TRA2B: variants seen among roughly 807,000 people sequenced by gnomAD.
TRA2B encodes the protein transformer-2 protein homolog beta.
In TRA2B, 14 loss-of-function variants were observed where a neutral mutation model predicts 41.7. That is an observed-to-expected ratio of 0.34 (90% CI 0.22 to 0.53). The LOEUF is 0.53. TRA2B is among the 20% of genes least tolerant of loss of function. The pLI, the probability that TRA2B is intolerant of heterozygous loss-of-function variation, is 0.95. For synonymous variants in TRA2B, 130 were observed against 128.8 expected (o/e 1.01, Z -0.06); for missense variants, 167 against 396.8 (o/e 0.42, Z 4.92).
In TRA2B at chr3:185,915,658, A is replaced by C. The variant is rs1359182665; in HGVS notation, c.*2057T>G. Among the ~76,000 whole-genome samples, 1 of 152,166 alleles carries C rather than the reference A, an allele frequency of 6.6e-6. No homozygotes were observed. The highest frequency in any genetic ancestry group is 1.5e-5 in the Non-Finnish European group (1 of 68,016). On this transcript the variant is annotated 3_prime_UTR_variant, in exon 9 of 9. Transcript: ENST00000453386. ...ATGGCTAAAATTCTTTCAAATCTAA[A>C]AGCCAGAAAACAACTCAAACTAGCC...
At chr3:185,926,873 A>T (rs1453958699) in intron 1 of TRA2B, 139 bp from the exon 2 acceptor site, 1 of 961,850 alleles carries the variant, frequency 1.0e-6, no homozygotes, top group African/African-American at 1.7e-5. Flanking sequence ...GGAACTGAAT[A>T]TACCTGGTGT....
At chr3:185,931,501 A>G in intron 1 of TRA2B, 1 of 1,037,080 alleles carries the variant, frequency 9.6e-7, no homozygotes, top group Non-Finnish European at 1.2e-6. Flanking sequence ...CCCTGTATAT[A>G]TTTTCCTCTA....
In TRA2B at chr3:185,918,415, T is replaced by C. The variant is rs1215194788; in HGVS notation, c.806A>G (p.Tyr269Cys). 4 of 1,613,656 alleles carry C rather than the reference T, an allele frequency of 2.5e-6. No individual in the cohort carries two copies. Among genetic ancestry groups the C allele is most frequent in the East Asian group, 4.5e-5 (2 of 44,864 alleles). ...IYRRRSPSPY[Y>C]SRGGYRSRSR... ...ACGTGATCTGTATCCTCCACGACTATAGTAAGGAGAAGGTGACCGCCTTCT... is the reference window on the plus strand; with the variant it reads ...ACGTGATCTGTATCCTCCACGACTACAGTAAGGAGAAGGTGACCGCCTTCT... Residue 269 changes from tyrosine (Y) to cysteine (C), a missense_variant, in exon 8 of 9, where the codon TAT (tyrosine) becomes TGT (cysteine). By Grantham distance (194) the Tyr-to-Cys change is radical. Transcript: ENST00000453386.
chr3:185,936,045 G>C, intron 1 of TRA2B: 1 of 985,364 alleles, frequency 1.0e-6, no homozygotes, highest in East Asian at 1.1e-4. Context: ...CTGGAACCTA[G>C]TTTCAATTGT....
chr3:185,932,671 ACCT>A (rs1744194603), intron 1 of TRA2B, among the ~76,000 whole-genome samples: 1 of 152,158 alleles, frequency 6.6e-6, no homozygotes. Flanking sequence ...ATTACAGCTC[ACCT>A]CCTCAAATAA....
At position 185,925,551 on chromosome 3, in the gene TRA2B, A is replaced by C. The variant is rs759410832; in HGVS notation, c.246T>G (p.Arg82=). ...RSRSRSHRRS[R]SRSYSRDYRR... is the part of the protein sequence containing the mutation. ...GATAATCTCGACTGTAAGACCTGCT[A>C]CGTGATCGTCTATGGGAGCGGGAGC... is the stretch of plus-strand genomic sequence containing the variant. The change falls in exon 3 of 9, where the codon CGT becomes CGG. Residue 82 remains arginine, a synonymous_variant. Coordinates refer to ENST00000453386, the MANE Select transcript of TRA2B (RefSeq NM_004593.3). The C allele has an allele frequency of 6.2e-7, 1 of 1,614,208 alleles. No homozygotes were observed. Among genetic ancestry groups the C allele is most frequent in the South Asian group, 1.1e-5 (1 of 91,086 alleles).
At chr3:185,921,560 C>T (rs139750151) in intron 5 of TRA2B, among the ~76,000 whole-genome samples, 3,983 of 152,152 alleles carry the variant, frequency 0.026, 148 homozygotes, top group African/African-American at 0.09. Context: ...GTCAGGAGAT[C>T]GAGAACATCC....
chr3:185,917,476 T>C lies in TRA2B; in HGVS notation c.*239A>G. The C allele has an allele frequency of 2.1e-6, 1 of 475,854 alleles. No homozygotes were observed. Among genetic ancestry groups the C allele is most frequent in the Non-Finnish European group, 3.8e-6 (1 of 264,672 alleles). 29.5% of individuals were successfully genotyped at this position (475,854 alleles called of 1,614,324 possible). On this transcript the variant is annotated 3_prime_UTR_variant, in exon 9 of 9. Transcript: ENST00000453386. ...TTCTCAGCAGTCAAAATTTAGACTG[T>C]AAAAAAATACATGCAAAACATACTT...
intron 8 of TRA2B, 58 bp from the exon 9 acceptor site, chr3:185,917,783 T>C: frequency 6.4e-7 from 1 of 1,559,336 alleles, no homozygotes; most frequent in Non-Finnish European, 8.8e-7. Context: ...TCAAGTATAC[T>C]TTAATGCCGA....
intron 1 of TRA2B, among the ~76,000 whole-genome samples, chr3:185,930,868 T>G (rs759070241): frequency 1.3e-5 from 2 of 152,234 alleles, no homozygotes; most frequent in Admixed American, 1.3e-4. Flanking sequence ...CAATTTGTAT[T>G]AGCTATCCTG....
intron 1 of TRA2B, chr3:185,937,520 C>T (rs1744412190): frequency 2.9e-6 from 3 of 1,021,172 alleles, no homozygotes; most frequent in Non-Finnish European, 1.2e-6. Context: ...ATATCGCTCC[C>T]CTCCCCCAAC....
chr3:185,918,274 G>C, intron 8 of TRA2B, 91 bp downstream of exon 8: 1 of 999,080 alleles, frequency 1.0e-6, no homozygotes, highest in South Asian at 1.6e-5. Context: ...GAAACTACCT[G>C]AAACCAATCC....
chr3:185,935,783 C>T (rs1036623082), intron 1 of TRA2B: 19 of 985,274 alleles, frequency 1.9e-5, no homozygotes, highest in Non-Finnish European at 2.3e-5. Context: ...GTATTCCAAC[C>T]CTTAAAGGTT....
At chr3:185,934,229 A>G (rs1179805296) in intron 1 of TRA2B, among the ~76,000 whole-genome samples, 2 of 152,220 alleles carry the variant, frequency 1.3e-5, no homozygotes, top group African/African-American at 2.4e-5. Context: ...ATAAAATGCT[A>G]AGGCTCAAGA....
chr3:185,925,637 A>C lies in TRA2B; in HGVS notation c.171-11T>G. 1.2e-6 allele frequency: 2 copies of C among 1,610,812 alleles called. No homozygotes were observed. The highest frequency in any genetic ancestry group is 1.7e-6 in the Non-Finnish European group (2 of 1,178,768). ...CTTCTGGATCTAGACCTGCAAGACA[A>C]AGACCTCCTAAGGTTATGACTGAAA... On this transcript the variant is annotated splice_polypyrimidine_tract_variant and intron_variant, in intron 2 of 8. Coordinates refer to ENST00000453386, the MANE Select transcript of TRA2B (RefSeq NM_004593.3).
rs1292843645 is a variant in TRA2B at position 185,914,581 on chromosome 3, CATTATAT to C, written c.*3127_*3133del. Among the ~76,000 whole-genome samples the C allele has an allele frequency of 6.6e-6, 1 of 152,080 alleles. No individual in the cohort carries two copies. Among genetic ancestry groups the C allele is most frequent in the Non-Finnish European group, 1.5e-5 (1 of 68,032 alleles). On this transcript the variant is annotated 3_prime_UTR_variant, in exon 9 of 9. Transcript: ENST00000453386. ...TATTCTTGTCACTTTTAAGTCTTTA[CATTATAT>C]ATTAAAGATTACACATAATAATCCT...
chr3:185,921,414 T>A, intron 5 of TRA2B, among the ~76,000 whole-genome samples: 1 of 152,198 alleles, frequency 6.6e-6, no homozygotes, highest in Admixed American at 6.5e-5. Flanking sequence ...CAGAGGTCAA[T>A]CTGCATATCC....
At chr3:185,921,015 G>C (rs1352282203) in intron 6 of TRA2B, 89 bp downstream of exon 6, 2 of 1,139,324 alleles carry the variant, frequency 1.8e-6, no homozygotes, top group Admixed American at 1.9e-5. Flanking sequence ...CTAAAGCAAA[G>C]CTTTTAACAA....
chr3:185,915,105 G>A lies in TRA2B; in HGVS notation c.*2610C>T, dbSNP rs188550983. 2.0e-5 allele frequency among the ~76,000 whole-genome samples: 3 copies of A among 152,278 alleles called. No homozygotes were observed. The highest frequency in any genetic ancestry group is 4.4e-5 in the Non-Finnish European group (3 of 68,018). On this transcript the variant is annotated 3_prime_UTR_variant, in exon 9 of 9. Transcript: ENST00000453386. ...AGGATTCCTGCTATGAAAATCTGCTGTTGCTGATCTGACAGGCGGCGGAGC... is the reference window on the plus strand; with the variant it reads ...AGGATTCCTGCTATGAAAATCTGCTATTGCTGATCTGACAGGCGGCGGAGC...
Sources: gnomAD v4.1 joint callset for allele counts (sites outside exome capture counted in the v4.1 genomes callset) on GRCh38, gnomAD v4.1.1 for gene constraint, MANE v1.5 for transcripts, NCBI Gene and HGNC (gene_info 2026-07-23, HGNC 2026-07-21) for gene names.